The following CELF4 variants were observed in gnomAD, a reference collection of about 807,000 sequenced individuals.
The protein encoded by CELF4 is CUG-BP- and ETR-3-like factor 4.
Under a neutral mutation model 59.9 loss-of-function variants are expected in CELF4, and 18 were observed. That is an observed-to-expected ratio of 0.30 (90% CI 0.21 to 0.45). The LOEUF (loss-of-function observed/expected upper bound fraction) is 0.45, where lower values mean the gene tolerates loss of function less well. CELF4 is among the 20% of genes least tolerant of loss of function. The probability of loss-of-function intolerance (pLI) is 1.00; values close to 1 mark genes in which losing one functional copy is unlikely to be tolerated. For missense variants in CELF4, 456 were observed against 689.0 expected (o/e 0.66, Z 3.79); for synonymous variants, 261 against 267.1 (o/e 0.98, Z 0.22).
chr18:37,490,269 C>T (rs542390633), intron 1 of CELF4, among the ~76,000 whole-genome samples: 5 of 151,808 alleles, frequency 3.3e-5, no homozygotes, highest in South Asian at 2.1e-4. Flanking sequence ...ACAGGGAGTA[C>T]GGGGTGGGGA....
intron 2 of CELF4, among the ~76,000 whole-genome samples, chr18:37,479,123 C>T (rs367683747): frequency 7.9e-5 from 12 of 152,312 alleles, no homozygotes; most frequent in East Asian, 5.8e-4. Context: ...GAACGGCAGG[C>T]GACAAATGAT....
chr18:37,365,855 T>C (rs113622366), intron 2 of CELF4, among the ~76,000 whole-genome samples: 3 of 152,236 alleles, frequency 2.0e-5, no homozygotes, highest in African/African-American at 7.2e-5. Context: ...ATGATGGACA[T>C]AGTACAATAT....
At chr18:37,282,248 C>T (rs1297400502) in intron 3 of CELF4, among the ~76,000 whole-genome samples, 2 of 152,000 alleles carry the variant, frequency 1.3e-5, no homozygotes, top group Admixed American at 1.3e-4. Flanking sequence ...CCACCAGGGA[C>T]ATCAAACTGA....
chr18:37,433,200 C>T (rs981076427), intron 2 of CELF4, among the ~76,000 whole-genome samples: 2 of 152,162 alleles, frequency 1.3e-5, no homozygotes, highest in South Asian at 2.1e-4. Flanking sequence ...TCCCTAGGAA[C>T]GTGAGAGCCA....
intron 1 of CELF4, among the ~76,000 whole-genome samples, chr18:37,544,590 T>C (rs2099980081): frequency 6.6e-6 from 1 of 152,176 alleles, no homozygotes; most frequent in Non-Finnish European, 1.5e-5. Context: ...TGGGTACGTG[T>C]GTGTGCTTGT....
intron 1 of CELF4, among the ~76,000 whole-genome samples, chr18:37,495,944 A>T (rs1473849419): frequency 6.6e-6 from 1 of 152,098 alleles, no homozygotes; most frequent in Non-Finnish European, 1.5e-5. Flanking sequence ...CAGTGGACCT[A>T]TGAGTCCCTT....
At chr18:37,494,113 G>T (rs1375682002) in intron 1 of CELF4, among the ~76,000 whole-genome samples, 1 of 152,192 alleles carries the variant, frequency 6.6e-6, no homozygotes, top group Non-Finnish European at 1.5e-5. Flanking sequence ...TCTGGACAAG[G>T]AGGTGCAGAC....
chr18:37,517,669 T>C lies in CELF4; in HGVS notation c.287-32062A>G, dbSNP rs539879773. Among the ~76,000 whole-genome samples the C allele has an allele frequency of 9.9e-5, 15 of 152,258 alleles. No homozygotes were observed. The South Asian group carries it at 2.9e-3, about 30-fold the overall frequency. ...TGGCTGTGGCACCCTCTCCCTGCCT[T>C]CTCTTGTCTCCTTCACTGTCAAGTC... On this transcript the variant is annotated intron_variant, in intron 1 of 12. Coordinates refer to ENST00000420428, the MANE Select transcript of CELF4 (RefSeq NM_020180.4).
intron 2 of CELF4, among the ~76,000 whole-genome samples, chr18:37,380,426 G>A (rs1473563758): frequency 6.6e-6 from 1 of 152,136 alleles, no homozygotes; most frequent in Non-Finnish European, 1.5e-5. Flanking sequence ...GTCCTTCTCT[G>A]TACTCTGGCC....
intron 2 of CELF4, among the ~76,000 whole-genome samples, chr18:37,407,358 A>G (rs886717985): frequency 6.6e-6 from 1 of 152,176 alleles, no homozygotes; most frequent in African/African-American, 2.4e-5. Flanking sequence ...GTGAGCAGAC[A>G]TGGCACCTGC....
intron 2 of CELF4, among the ~76,000 whole-genome samples, chr18:37,389,426 C>A (rs959335248): frequency 1.3e-5 from 2 of 152,196 alleles, no homozygotes; most frequent in Non-Finnish European, 2.9e-5. Context: ...TTGAGCCTTG[C>A]ACCACCATTA....
At chr18:37,400,478 C>T (rs2099313306) in intron 2 of CELF4, among the ~76,000 whole-genome samples, 1 of 152,180 alleles carries the variant, frequency 6.6e-6, no homozygotes, top group Non-Finnish European at 1.5e-5. Context: ...GTGTTTGTTG[C>T]ATTCATGTTC....
At chr18:37,247,396 A>G (rs1368774474) in intron 12 of CELF4, 2 of 13,674 alleles carry the variant, frequency 1.5e-4, no homozygotes, top group African/African-American at 6.6e-4. Context: ...GAGGTGGGGC[A>G]GGGCAGGTGG....
chr18:37,489,711 C>A (rs1444026347), intron 1 of CELF4, among the ~76,000 whole-genome samples: 1 of 152,152 alleles, frequency 6.6e-6, no homozygotes, highest in Non-Finnish European at 1.5e-5. Context: ...CTGGCGGGGC[C>A]CTTTGGGAAC....
At chr18:37,370,809 C>T (rs776928365) in intron 2 of CELF4, among the ~76,000 whole-genome samples, 6 of 152,310 alleles carry the variant, frequency 3.9e-5, no homozygotes, top group Middle Eastern at 6.8e-3. Flanking sequence ...AATCCTTCAG[C>T]GTGCTAACCA....
At chr18:37,362,117 C>T (rs1180429542) in intron 2 of CELF4, among the ~76,000 whole-genome samples, 1 of 152,028 alleles carries the variant, frequency 6.6e-6, no homozygotes, top group African/African-American at 2.4e-5. Flanking sequence ...GGGGAGGAGG[C>T]CTGGCCACAT....
intron 2 of CELF4, among the ~76,000 whole-genome samples, chr18:37,408,491 CCG>C (rs386802431): frequency 2.4e-5 from 1 of 40,970 alleles, no homozygotes; most frequent in Non-Finnish European, 7.7e-5. Context: ...TTGGTTGGTG[CCG>C]GGGGGGGGCG....
chr18:37,466,048 C>T (rs1158909315), intron 2 of CELF4, among the ~76,000 whole-genome samples: 3 of 152,318 alleles, frequency 2.0e-5, no homozygotes, highest in South Asian at 2.1e-4. Context: ...TTCTTCAGCT[C>T]GCCTCTGCCA....
At chr18:37,525,992 A>G (rs1312964819) in intron 1 of CELF4, among the ~76,000 whole-genome samples, 1 of 152,194 alleles carries the variant, frequency 6.6e-6, no homozygotes, top group Non-Finnish European at 1.5e-5. Context: ...GGGTTCAGCC[A>G]ACTGTGTTTA....
Sources: allele counts gnomAD v4.1 joint callset (sites outside exome capture counted in the v4.1 genomes callset), GRCh38; gene constraint gnomAD v4.1.1; transcripts MANE v1.5; gene names NCBI Gene and HGNC (gene_info 2026-07-23, HGNC 2026-07-21).